Variants in SAMD7 observed in about 807,000 individuals in gnomAD.
The protein encoded by SAMD7 is sterile alpha motif domain containing 7, also known as sterile alpha motif domain-containing protein 7.
Under a neutral mutation model 36.7 loss-of-function variants are expected in SAMD7, and 34 were observed. That is an observed-to-expected ratio of 0.93 (90% CI 0.71 to 1.23). SAMD7 has a LOEUF of 1.23. Among genes scored for constraint, SAMD7 ranks in the 50% most tolerant of loss-of-function variants. The pLI is 0.00. For missense variants in SAMD7, 570 were observed against 546.6 expected (o/e 1.04, Z -0.43); for synonymous variants, 188 against 189.7 (o/e 0.99, Z 0.07).
At chr3:169,922,821 A>G (rs1713103765) in intron 4 of SAMD7, among the ~76,000 whole-genome samples, 1 of 2,266 alleles carries the variant, frequency 4.4e-4, no homozygotes, top group Non-Finnish European at 7.2e-4. Flanking sequence ...TTTTGTGGTC[A>G]GATTTACGAT....
chr3:169,916,346 T>G (rs1712798466), intron 2 of SAMD7, among the ~76,000 whole-genome samples: 1 of 152,086 alleles, frequency 6.6e-6, no homozygotes, highest in Non-Finnish European at 1.5e-5. Context: ...ATAACTGCTG[T>G]ACAAAATAGA....
chr3:169,928,976 TGTAA>T (rs1167930791), intron 7 of SAMD7, among the ~76,000 whole-genome samples: 1 of 152,218 alleles, frequency 6.6e-6, no homozygotes, highest in Non-Finnish European at 1.5e-5. Context: ...GGTTACTCAC[TGTAA>T]GTAACAGGAA....
chr3:169,915,785 C>G (rs1320349923), intron 2 of SAMD7, among the ~76,000 whole-genome samples: 1 of 151,730 alleles, frequency 6.6e-6, no homozygotes, highest in Non-Finnish European at 1.5e-5. Context: ...ACCATGTTGG[C>G]CAGGCTGGTC....
intron 2 of SAMD7, among the ~76,000 whole-genome samples, chr3:169,916,375 G>C (rs985653256): frequency 6.6e-6 from 1 of 152,196 alleles, no homozygotes; most frequent in African/African-American, 2.4e-5. Context: ...GCCAGGCGTG[G>C]TGGCTCACAC....
chr3:169,925,842 G>C (rs1303955753), intron 5 of SAMD7, among the ~76,000 whole-genome samples: 1 of 152,138 alleles, frequency 6.6e-6, no homozygotes, highest in Admixed American at 6.5e-5. Context: ...ATTCATATTG[G>C]CATTACTGTC....
intron 4 of SAMD7, among the ~76,000 whole-genome samples, chr3:169,921,956 A>G (rs905620031): frequency 1.3e-5 from 2 of 152,230 alleles, no homozygotes; most frequent in Non-Finnish European, 2.9e-5. Flanking sequence ...TAGAAACAAC[A>G]GGATTTTCTC....
rs773392653 is a variant in SAMD7, at chr3:169,927,005, T to A, written c.743T>A (p.Leu248His). The A allele has an allele frequency of 2.5e-6, 4 of 1,613,428 alleles. No homozygotes were observed. The African/African-American group carries it at 5.3e-5, about 22-fold the overall frequency. The change falls in exon 6 of 9, where the codon CTT becomes CAT. Residue 248 changes from leucine to histidine, a missense_variant. By Grantham distance (99) the Leu-to-His change is moderately conservative. Transcript: ENST00000335556. ...ACGAATGAAAAGCCAACGACAGCTC[T>A]TGCCAACACCTGTGGAGAGCTCGAG... ...SETNEKPTTALANTCGELEPT... is the reference protein window; with the variant it reads ...SETNEKPTTAHANTCGELEPT...
Position 169,927,169 on chromosome 3 carries a change from C to A in SAMD7, c.907C>A (p.Pro303Thr). The A allele has an allele frequency of 6.5e-7, 1 of 1,527,002 alleles. No individual in the cohort carries two copies. Among genetic ancestry groups the A allele is most frequent in the Non-Finnish European group, 8.8e-7 (1 of 1,141,936 alleles). The allele number at this position is 1,527,002 out of a possible 1,614,324, so 94.6% of individuals were successfully genotyped here. Reference sequence around the variant, plus strand: ...TGGGGTTTGCCCTCCAGTTCCTCGACCATCTCTGCCAGGTGGGTGTCCAGG... The same window carrying A: ...TGGGGTTTGCCCTCCAGTTCCTCGAACATCTCTGCCAGGTGGGTGTCCAGG... ...KNGVCPPVPR[P>T]SLPGTHALVT... Residue 303 changes from proline (P) to threonine (T), a missense_variant, in exon 6 of 9, where the codon CCA (proline) becomes ACA (threonine). Coordinates refer to ENST00000335556, the MANE Select transcript of SAMD7 (RefSeq NM_001304366.2).
At chr3:169,916,795 G>T (rs1712822209) in intron 2 of SAMD7, among the ~76,000 whole-genome samples, 1 of 152,172 alleles carries the variant, frequency 6.6e-6, no homozygotes, top group Admixed American at 6.5e-5. Context: ...AACACCTAGT[G>T]GTGTCCCCCA....
At chr3:169,936,570 G>C in intron 8 of SAMD7, 121 bp downstream of exon 8, 1 of 635,026 alleles carries the variant, frequency 1.6e-6, no homozygotes, top group Non-Finnish European at 2.8e-6. Context: ...CTTTCCCTCT[G>C]TGGTTGAGGA....
At position 169,936,448 on chromosome 3, in the gene SAMD7, A is replaced by T. The variant is rs771108679; in HGVS notation, c.1151A>T (p.Gln384Leu). ...KLGPALKIQS[Q>L]VSQHVGSMFY... is the part of the protein sequence containing the mutation. ...GGGCCGGCACTAAAAATTCAGTCAC[A>T]GGTATGGTGATTTTATATAACTAAT... is the stretch of plus-strand genomic sequence containing the variant. The change falls in exon 8 of 9, where the codon CAG (glutamine) becomes CTG (leucine). Residue 384 changes from glutamine to leucine, a missense_variant and splice_region_variant. By Grantham distance (113) the Gln-to-Leu change is moderately radical. Transcript: ENST00000335556. 6.4e-7 allele frequency: 1 copy of T among 1,555,190 alleles called. No homozygotes were observed. Among genetic ancestry groups the T allele is most frequent in the South Asian group, 1.1e-5 (1 of 89,176 alleles).
At chr3:169,921,132 C>A in intron 3 of SAMD7, 82 bp from the exon 4 acceptor site, 1 of 1,330,760 alleles carries the variant, frequency 7.5e-7, no homozygotes, top group Non-Finnish European at 1.1e-6. Flanking sequence ...ATGGCAATAA[C>A]AAAATCTCAT....
In SAMD7 at chr3:169,926,856, T is replaced by C. The variant is rs1713285256; in HGVS notation, c.594T>C (p.Ala198=). 3.1e-6 allele frequency: 5 copies of C among 1,613,686 alleles called. No homozygotes were observed. The highest frequency in any genetic ancestry group is 4.2e-6 in the Non-Finnish European group (5 of 1,179,954). ...ATCAAAAAGCTCTAGACAGTGATGC[T>C]GAGAGTTCCAAAAGTCAAGCAGAAG... The part of the protein sequence containing the change: ...TGNQKALDSD[A]ESSKSQAEEK... The change falls in exon 6 of 9, where the codon GCT becomes GCC. Residue 198 remains alanine (A), a synonymous_variant. Coordinates refer to ENST00000335556, the MANE Select transcript of SAMD7 (RefSeq NM_001304366.2).
At position 169,919,436 on chromosome 3, in the gene SAMD7, G is replaced by T. The variant is rs867331257; in HGVS notation, c.-41-22G>T. ...ACAAAAAGTAGAGTTATTTGTTAAAGTGTCTATCTGGTTCTTTTTAGAACT... is the reference window on the plus strand; with the variant it reads ...ACAAAAAGTAGAGTTATTTGTTAAATTGTCTATCTGGTTCTTTTTAGAACT... On this transcript the variant is annotated intron_variant, in intron 2 of 8. Transcript: ENST00000335556. 4 of 1,207,380 alleles carry T rather than the reference G, an allele frequency of 3.3e-6. No individual in the cohort carries two copies. In the African/African-American group the frequency reaches 6.0e-5, roughly 18 times the overall value. 74.8% of individuals were successfully genotyped at this position (1,207,380 alleles called of 1,614,324 possible). A position where few individuals can be genotyped will look rare whatever the true frequency, so the allele number is the denominator to read the frequency against.
chr3:169,927,040 A>T lies in SAMD7; in HGVS notation c.778A>T (p.Arg260Trp). 1 of 1,612,994 alleles carries T rather than the reference A, an allele frequency of 6.2e-7. No individual in the cohort carries two copies. The highest frequency in any genetic ancestry group is 8.5e-7 in the Non-Finnish European group (1 of 1,179,678). Residue 260 changes from arginine (R) to tryptophan (W), a missense_variant, in exon 6 of 9, where the codon AGG (arginine) becomes TGG (tryptophan). Arg to Trp is a moderately radical substitution (Grantham distance 101). Coordinates refer to ENST00000335556, the MANE Select transcript of SAMD7 (RefSeq NM_001304366.2). The stretch of plus-strand genomic sequence containing the variant: ...CTGTGGAGAGCTCGAGCCCACCCAT[A>T]GGAAACCCTGGGGGTCTCACACCAC... ...NTCGELEPTH[R>W]KPWGSHTTTL...
At position 169,921,283 on chromosome 3, in the gene SAMD7, C is replaced by T. The variant is rs1713033071; in HGVS notation, c.156C>T (p.Ser52=). The change falls in exon 4 of 9, where the codon TCC becomes TCT. Residue 52 remains serine (S), a synonymous_variant. Transcript: ENST00000335556. ...TTTGCGTTCCTTCCCAATTTGGATC[C>T]TCTGTTCTACCAAACACAAATATGG... The part of the protein sequence containing the change: ...RQFCVPSQFG[S]SVLPNTNMAN... 6.2e-7 allele frequency: 1 copy of T among 1,614,050 alleles called. No individual in the cohort carries two copies.
chr3:169,915,829 C>A (rs1157405676), intron 2 of SAMD7, among the ~76,000 whole-genome samples: 1 of 151,980 alleles, frequency 6.6e-6, no homozygotes, highest in African/African-American at 2.4e-5. Flanking sequence ...CCACCCACCT[C>A]GGCCTCCCAA....
At chr3:169,926,327 T>C (rs12632007) in intron 5 of SAMD7, 32,687 of 1,377,090 alleles carry the variant, frequency 0.024, 743 homozygotes, top group East Asian at 0.12. Flanking sequence ...TGTTTAAAGG[T>C]AACACTCTAA....
At chr3:169,925,202 C>T (rs572389188) in intron 5 of SAMD7, 66 bp downstream of exon 5, 9 of 982,142 alleles carry the variant, frequency 9.2e-6, no homozygotes, top group East Asian at 2.5e-5. Context: ...CACTTGTTAT[C>T]TTCATATAAC....
Sources: allele counts gnomAD v4.1 joint callset (sites outside exome capture counted in the v4.1 genomes callset), GRCh38; gene constraint gnomAD v4.1.1; transcripts MANE v1.5; gene names NCBI Gene and HGNC (gene_info 2026-07-23, HGNC 2026-07-21).